The following GABRG3 variants were observed in gnomAD, a reference collection of about 807,000 sequenced individuals.
GABRG3 encodes the protein gamma-aminobutyric acid receptor subunit gamma-3.
In GABRG3, 25 loss-of-function variants were observed where a neutral mutation model predicts 48.8. The ratio of observed to expected loss-of-function variants is 0.51; its 90% confidence interval spans 0.37 to 0.72. The LOEUF (loss-of-function observed/expected upper bound fraction) is 0.72. GABRG3 is among the 30% of genes least tolerant of loss of function. GABRG3 has a pLI of 0.00. For missense variants in GABRG3, 394 were observed against 577.9 expected (o/e 0.68, Z 3.26); for synonymous variants, 227 against 217.6 (o/e 1.04, Z -0.38).
intron 3 of GABRG3, among the ~76,000 whole-genome samples, chr15:27,307,396 T>C (rs1595661714): frequency 9.8e-6 from 1 of 101,978 alleles, no homozygotes; most frequent in African/African-American, 3.3e-5. Context: ...TATAACCATA[T>C]AGGTTTATAT....
intron 3 of GABRG3, among the ~76,000 whole-genome samples, chr15:27,227,220 T>A (rs1241257472): frequency 6.6e-6 from 1 of 152,122 alleles, no homozygotes; most frequent in African/African-American, 2.4e-5. Flanking sequence ...GCTTCGTAGC[T>A]CATGCCTGTA....
intron 3 of GABRG3, among the ~76,000 whole-genome samples, chr15:27,183,420 C>T (rs1317125270): frequency 2.6e-5 from 4 of 152,198 alleles, no homozygotes; most frequent in Middle Eastern, 3.4e-3. Flanking sequence ...ACAGCTGCGT[C>T]GGGAGCTGAT....
chr15:27,159,101 C>T (rs1343879362), intron 3 of GABRG3, among the ~76,000 whole-genome samples: 2 of 149,656 alleles, frequency 1.3e-5, no homozygotes, highest in African/African-American at 4.8e-5. Flanking sequence ...ACGCCCTCCT[C>T]CTCCATGTTC....
At chr15:27,033,430 C>A (rs1236953035) in intron 3 of GABRG3, among the ~76,000 whole-genome samples, 2 of 152,112 alleles carry the variant, frequency 1.3e-5, no homozygotes, top group Admixed American at 1.3e-4. Context: ...AGGATTGATT[C>A]TGGATAGCTA....
chr15:27,027,845 G>C (rs111408389), intron 3 of GABRG3, among the ~76,000 whole-genome samples: 7 of 152,278 alleles, frequency 4.6e-5, no homozygotes, highest in Non-Finnish European at 8.8e-5. Flanking sequence ...TTATTCAGTT[G>C]ACTGCTCAGA....
chr15:27,393,154 G>A (rs569663179), intron 5 of GABRG3, among the ~76,000 whole-genome samples: 1 of 151,822 alleles, frequency 6.6e-6, no homozygotes, highest in African/African-American at 2.4e-5. Flanking sequence ...GACCATCCTG[G>A]CAACACGGTG....
intron 5 of GABRG3, among the ~76,000 whole-genome samples, chr15:27,337,255 G>T (rs1314084572): frequency 1.3e-5 from 2 of 151,864 alleles, no homozygotes; most frequent in Non-Finnish European, 2.9e-5. Context: ...AATCATAGCT[G>T]TCTGATTGAA....
chr15:27,091,666 A>G (rs1426062882), intron 3 of GABRG3, among the ~76,000 whole-genome samples: 1 of 152,098 alleles, frequency 6.6e-6, no homozygotes, highest in Non-Finnish European at 1.5e-5. Context: ...CGGATTTTCC[A>G]TTTTCTTTGT....
chr15:27,258,690 C>G (rs955188278), intron 3 of GABRG3, among the ~76,000 whole-genome samples: 18 of 152,146 alleles, frequency 1.2e-4, no homozygotes, highest in African/African-American at 4.3e-4. Flanking sequence ...ATGCAATGAT[C>G]GAATCAGGGT....
At chr15:27,412,002 C>T (rs1887812293) in intron 5 of GABRG3, among the ~76,000 whole-genome samples, 1 of 151,862 alleles carries the variant, frequency 6.6e-6, no homozygotes, top group African/African-American at 2.4e-5. Context: ...AATTATTTTT[C>T]TTCTGCTTGA....
At chr15:27,298,963 A>G (rs1349791951) in intron 3 of GABRG3, among the ~76,000 whole-genome samples, 1 of 152,180 alleles carries the variant, frequency 6.6e-6, no homozygotes, top group African/African-American at 2.4e-5. Flanking sequence ...ACAACAAAAA[A>G]TGCTTCATTT....
At chr15:27,336,012 AC>A (rs1250300085) in intron 5 of GABRG3, among the ~76,000 whole-genome samples, 3 of 151,968 alleles carry the variant, frequency 2.0e-5, no homozygotes, top group Non-Finnish European at 4.4e-5. Flanking sequence ...ATATGGTGAA[AC>A]CCCATTTCTA....
Position 27,206,582 on chromosome 15 carries a change from G to T in GABRG3, c.271-120227G>T, listed in dbSNP as rs976611462. Reference sequence around the variant, plus strand: ...TTTTAGGTCCATTTGATCAAGTGTCGAATTTTTATCCCGAGATCTTCGTTA... The same window carrying T: ...TTTTAGGTCCATTTGATCAAGTGTCTAATTTTTATCCCGAGATCTTCGTTA... On this transcript the variant is annotated intron_variant, in intron 3 of 9. Coordinates refer to ENST00000615808, the MANE Select transcript of GABRG3 (RefSeq NM_033223.5). Among the ~76,000 whole-genome samples, 23 of 152,108 alleles carry T rather than the reference G, an allele frequency of 1.5e-4. 1 individual carries two copies. The highest frequency in any genetic ancestry group is 2.9e-5 in the Non-Finnish European group (2 of 67,988).
chr15:27,194,284 A>G (rs1237507250), intron 3 of GABRG3, among the ~76,000 whole-genome samples: 1 of 152,230 alleles, frequency 6.6e-6, no homozygotes, highest in East Asian at 1.9e-4. Flanking sequence ...CAACCATCAA[A>G]TGCTGTTTTA....
intron 3 of GABRG3, among the ~76,000 whole-genome samples, chr15:27,246,500 G>A (rs527828542): frequency 2.4e-4 from 36 of 152,224 alleles, no homozygotes; most frequent in Admixed American, 1.8e-3. Flanking sequence ...GTATCATTTT[G>A]TTACGAATGT....
intron 3 of GABRG3, among the ~76,000 whole-genome samples, chr15:27,076,490 A>AT (rs1157447617): frequency 3.3e-5 from 5 of 151,578 alleles, no homozygotes; most frequent in Non-Finnish European, 1.5e-5. Context: ...CGCCCATCTA[A>AT]TTTTTTTGTA....
chr15:27,523,581 A>C (rs1891207222), intron 7 of GABRG3, among the ~76,000 whole-genome samples: 1 of 151,934 alleles, frequency 6.6e-6, no homozygotes, highest in Non-Finnish European at 1.5e-5. Context: ...ATTTTAAAAT[A>C]ATCAGTCATA....
chr15:27,076,708 G>A (rs907345071), intron 3 of GABRG3, among the ~76,000 whole-genome samples: 4 of 152,092 alleles, frequency 2.6e-5, no homozygotes, highest in Non-Finnish European at 5.9e-5. Context: ...GCAGAGAGAG[G>A]TGGACAGAAG....
At chr15:27,063,288 GGT>G (rs1196638959) in intron 3 of GABRG3, among the ~76,000 whole-genome samples, 1 of 152,196 alleles carries the variant, frequency 6.6e-6, no homozygotes, top group African/African-American at 2.4e-5. Flanking sequence ...CAGATCTGCA[GGT>G]GTCTTTGGCA....
Sources: gnomAD v4.1 joint callset for allele counts (sites outside exome capture counted in the v4.1 genomes callset) on GRCh38, gnomAD v4.1.1 for gene constraint, MANE v1.5 for transcripts, NCBI Gene and HGNC (gene_info 2026-07-23, HGNC 2026-07-21) for gene names.